Variants in YTHDF2 observed in about 807,000 individuals in gnomAD.
YTHDF2 encodes the protein YTH N6-methyladenosine RNA binding protein F2.
In YTHDF2, 2 loss-of-function variants were observed where a neutral mutation model predicts 50.4. The observed-to-expected ratio is 0.04, with a 90% CI of 0.02 to 0.12. YTHDF2 has a LOEUF of 0.12. YTHDF2 is among the 10% of genes least tolerant of loss of function. The probability of loss-of-function intolerance (pLI) is 1.00; values close to 1 mark genes in which losing one functional copy is unlikely to be tolerated. For synonymous variants in YTHDF2, 217 were observed against 255.6 expected, an observed-to-expected ratio of 0.85 and a Z score of 1.44; for missense variants, 483 against 722.6, an observed-to-expected ratio of 0.67 and a Z score of 3.80.
At chr1:28,741,362 A>G (rs1490642500) in intron 3 of YTHDF2, among the ~76,000 whole-genome samples, 1 of 151,850 alleles carries the variant, frequency 6.6e-6, no homozygotes, top group Non-Finnish European at 1.5e-5. Context: ...CAGTGGTGCC[A>G]TCTGGGCTCA....
intron 4 of YTHDF2, among the ~76,000 whole-genome samples, chr1:28,749,401 C>T (rs924298406): frequency 2.0e-5 from 3 of 151,924 alleles, no homozygotes; most frequent in Non-Finnish European, 4.4e-5. Flanking sequence ...AGGATGGTCT[C>T]GATCTCCTGA....
intron 4 of YTHDF2, among the ~76,000 whole-genome samples, chr1:28,759,995 T>G (rs2088090745): frequency 6.6e-6 from 1 of 152,108 alleles, no homozygotes; most frequent in Non-Finnish European, 1.5e-5. Context: ...TTTAACATCT[T>G]TTTAAAAACT....
chr1:28,763,771 G>T (rs1409802180), intron 4 of YTHDF2, among the ~76,000 whole-genome samples: 6 of 118,580 alleles, frequency 5.1e-5, no homozygotes, highest in Admixed American at 3.2e-4. Flanking sequence ...TTTTTTTTTT[G>T]GGATTATGGG....
At chr1:28,747,889 G>C (rs904105848) in intron 4 of YTHDF2, among the ~76,000 whole-genome samples, 2 of 151,434 alleles carry the variant, frequency 1.3e-5, no homozygotes, top group Non-Finnish European at 2.9e-5. Flanking sequence ...ACTTTGGGAG[G>C]CTGAGGCGGG....
At chr1:28,741,741 T>C (rs1330201391) in intron 3 of YTHDF2, among the ~76,000 whole-genome samples, 1 of 152,222 alleles carries the variant, frequency 6.6e-6, no homozygotes, top group Non-Finnish European at 1.5e-5. Context: ...TGGTTTATGA[T>C]TGAGGAACGG....
rs35073193 is a variant in YTHDF2 at position 28,745,730 on chromosome 1, C to CG, written c.1716+1744_1716+1745insG. Among the ~76,000 whole-genome samples, 7 of 113,178 alleles carry CG rather than the reference C, an allele frequency of 6.2e-5. 1 individual carries two copies. Among genetic ancestry groups the CG allele is most frequent in the Non-Finnish European group, 2.0e-5 (1 of 50,596 alleles). 74.2% of individuals were successfully genotyped at this position (113,178 alleles called of 152,430 possible). A position where few individuals can be genotyped will look rare whatever the true frequency, so the allele number is the denominator to read the frequency against. On this transcript the variant is annotated intron_variant, in intron 4 of 4. Transcript: ENST00000373812. Reference sequence around the variant, plus strand: ...TAAACTCCCATCTCCCCCCGCCCCCCCCCCCCAAAAAAAAACTAACATATT... The same window carrying CG: ...TAAACTCCCATCTCCCCCCGCCCCCCGCCCCCCAAAAAAAAACTAACATATT...
upstream of YTHDF2, chr1:28,736,678 C>A: frequency 5.0e-6 from 1 of 200,884 alleles, no homozygotes; most frequent in South Asian, 6.4e-5. Flanking sequence ...CCCAAACCCC[C>A]TAGGCCTTAA....
Position 28,750,578 on chromosome 1 carries a change from A to G in YTHDF2, c.1716+6592A>G, listed in dbSNP as rs149947999. On this transcript the variant is annotated intron_variant, in intron 4 of 4. Coordinates refer to ENST00000373812, the MANE Select transcript of YTHDF2 (RefSeq NM_016258.3). ...AAGATGAATTTGTCCTTTGAAACAG[A>G]TCTTTTTAGAAAGGTTGTTTCATAA... Among the ~76,000 whole-genome samples the G allele has an allele frequency of 2.2e-3, 333 of 152,274 alleles. 2 individuals are homozygous for G. Among genetic ancestry groups the G allele is most frequent in the African/African-American group, 5.7e-3 (235 of 41,562 alleles).
chr1:28,753,472 C>T (rs1022328140), intron 4 of YTHDF2, among the ~76,000 whole-genome samples: 3 of 148,654 alleles, frequency 2.0e-5, no homozygotes, highest in Non-Finnish European at 4.4e-5. Context: ...TGCTTGAGCC[C>T]GGGACGTCAA....
At chr1:28,749,135 C>A (rs1274359463) in intron 4 of YTHDF2, among the ~76,000 whole-genome samples, 1 of 148,378 alleles carries the variant, frequency 6.7e-6, no homozygotes, top group Non-Finnish European at 1.5e-5. Flanking sequence ...CATTGTGCAA[C>A]TGTTATCTAG....
In YTHDF2 at chr1:28,767,931, G is replaced by C. The variant is rs138693625; in HGVS notation, c.1717-998G>C. ...TTTAAAAAATTCTGAGGCCGGGCGC[G>C]GTGGCTCACGCCTCTAATCCCAGCA... On this transcript the variant is annotated intron_variant, in intron 4 of 4. Transcript: ENST00000373812. Among the ~76,000 whole-genome samples the C allele has an allele frequency of 1.8e-3, 270 of 150,780 alleles. 3 individuals are homozygous for C. In the East Asian group the frequency reaches 0.042, roughly 23 times the overall value.
chr1:28,761,195 C>T (rs1258338833), intron 4 of YTHDF2, among the ~76,000 whole-genome samples: 1 of 137,518 alleles, frequency 7.3e-6, no homozygotes, highest in African/African-American at 2.8e-5. Flanking sequence ...AGTGTAGTGG[C>T]CTGATCACAA....
chr1:28,737,375 T>A, intron 1 of YTHDF2: 1 of 631,722 alleles, frequency 1.6e-6, no homozygotes, highest in Non-Finnish European at 2.6e-6. Context: ...CGCGTTCCCT[T>A]CTCTCGGCGG....
At chr1:28,751,593 T>G (rs936587225) in intron 4 of YTHDF2, among the ~76,000 whole-genome samples, 1 of 152,200 alleles carries the variant, frequency 6.6e-6, no homozygotes, top group Non-Finnish European at 1.5e-5. Context: ...ATAAAACGCC[T>G]CTTTCTGCAG....
intron 4 of YTHDF2, among the ~76,000 whole-genome samples, chr1:28,751,988 T>G (rs2087960524): frequency 6.6e-6 from 1 of 152,186 alleles, no homozygotes; most frequent in African/African-American, 2.4e-5. Context: ...TATCTAACAC[T>G]GTAATTCTCA....
intron 4 of YTHDF2, among the ~76,000 whole-genome samples, chr1:28,757,368 T>G (rs993311850): frequency 3.3e-5 from 5 of 152,140 alleles, no homozygotes; most frequent in African/African-American, 9.7e-5. Context: ...ATGAAGAAAA[T>G]GGCCAATCCC....
At chr1:28,754,349 G>A (rs572267006) in intron 4 of YTHDF2, among the ~76,000 whole-genome samples, 17 of 152,146 alleles carry the variant, frequency 1.1e-4, no homozygotes, top group African/African-American at 3.1e-4. Flanking sequence ...CCAACATGGC[G>A]AAACACTGTC....
intron 4 of YTHDF2, among the ~76,000 whole-genome samples, chr1:28,754,879 A>T (rs999634164): frequency 5.6e-5 from 8 of 143,506 alleles, no homozygotes; most frequent in Non-Finnish European, 1.2e-4. Context: ...CAGGGAGCTG[A>T]GGGATGAGAA....
chr1:28,749,986 G>GTTTTTTTTT (rs371730633), intron 4 of YTHDF2, among the ~76,000 whole-genome samples: 16 of 78,328 alleles, frequency 2.0e-4, no homozygotes, highest in East Asian at 4.1e-4. Flanking sequence ...AAAAAAGGTT[G>GTTTTTTTTT]TTTTTTTTTT....
Sources: allele counts gnomAD v4.1 joint callset (sites outside exome capture counted in the v4.1 genomes callset), GRCh38; gene constraint gnomAD v4.1.1; transcripts MANE v1.5; gene names NCBI Gene and HGNC (gene_info 2026-07-23, HGNC 2026-07-21).